Variants in LPP observed in about 807,000 individuals in gnomAD.
LPP encodes LIM domain containing preferred translocation partner in lipoma.
LPP carries 38 observed loss-of-function variants against 60.4 expected under a neutral mutation model. The observed-to-expected ratio is 0.63, with a 90% confidence interval of 0.49 to 0.83. The LOEUF (loss-of-function observed/expected upper bound fraction) is 0.83. Among genes scored for constraint, LPP ranks in the 40% least tolerant of loss-of-function variants. LPP has a pLI of 0.00. For missense variants in LPP, 902 were observed against 783.6 expected (o/e 1.15, Z -1.80); for synonymous variants, 328 against 290.8 (o/e 1.13, Z -1.30).
At chr3:188,539,140 G>C (rs1375750846) in intron 6 of LPP, among the ~76,000 whole-genome samples, 1 of 152,122 alleles carries the variant, frequency 6.6e-6, no homozygotes, top group African/African-American at 2.4e-5. Context: ...CATTTTTAAA[G>C]GGCATATTTT....
chr3:188,542,947 C>A (rs1825611284), intron 6 of LPP, among the ~76,000 whole-genome samples: 1 of 152,176 alleles, frequency 6.6e-6, no homozygotes. Flanking sequence ...ATGACCTTCA[C>A]CTTGATGAAG....
intron 3 of LPP, among the ~76,000 whole-genome samples, chr3:188,381,840 A>G (rs1776982685): frequency 6.6e-6 from 1 of 152,102 alleles, no homozygotes; most frequent in Admixed American, 6.6e-5. Flanking sequence ...AAATATATAT[A>G]TATGTATAGA....
intron 6 of LPP, among the ~76,000 whole-genome samples, chr3:188,535,029 C>T (rs1039217909): frequency 7.4e-5 from 11 of 148,934 alleles, no homozygotes; most frequent in African/African-American, 2.4e-4. Context: ...AATCTGTAAG[C>T]TGGAACTATT....
At chr3:188,409,581 G>C (rs1189811152) in intron 4 of LPP, among the ~76,000 whole-genome samples, 1 of 151,788 alleles carries the variant, frequency 6.6e-6, no homozygotes, top group Non-Finnish European at 1.5e-5. Context: ...TTTTCATTTA[G>C]AATGTTCTAT....
chr3:188,154,462 C>T (rs1163078184), intron 1 of LPP, among the ~76,000 whole-genome samples: 2 of 152,038 alleles, frequency 1.3e-5, no homozygotes, highest in African/African-American at 2.4e-5. Context: ...TTTCCAAAAG[C>T]GTCGACCCCA....
chr3:188,153,804 G>A (rs1325582433), upstream of LPP: 2 of 146,310 alleles, frequency 1.4e-5, no homozygotes, highest in Non-Finnish European at 3.0e-5. Flanking sequence ...AGGAATTCAG[G>A]CCCCTGACGT....
chr3:188,735,642 C>A (rs2150102539), intron 8 of LPP, among the ~76,000 whole-genome samples: 1 of 152,200 alleles, frequency 6.6e-6, no homozygotes, highest in African/African-American at 2.4e-5. Flanking sequence ...CCTCAGCCTC[C>A]CAAAGTGCTG....
chr3:188,809,411 G>T lies in LPP; in HGVS notation c.1410+49129G>T, dbSNP rs987122334. ...TGAGATGGCATCTCATTGTGATTTT[G>T]ATTTGCATTTATCTAATGATCAGTG... On this transcript the variant is annotated intron_variant, in intron 9 of 11. Transcript: ENST00000617246. Among the ~76,000 whole-genome samples, 4 of 152,184 alleles carry T rather than the reference G, an allele frequency of 2.6e-5. No homozygotes were observed. The East Asian group carries it at 7.7e-4, about 29-fold the overall frequency.
chr3:188,669,935 G>A (rs968526830), intron 7 of LPP, among the ~76,000 whole-genome samples: 9 of 152,198 alleles, frequency 5.9e-5, no homozygotes, highest in Non-Finnish European at 1.2e-4. Flanking sequence ...AAAAAAGGAT[G>A]AGTTCATGTC....
intron 1 of LPP, among the ~76,000 whole-genome samples, chr3:188,176,331 A>G (rs1011206782): frequency 4.6e-5 from 7 of 152,136 alleles, no homozygotes; most frequent in African/African-American, 1.7e-4. Flanking sequence ...ATAAATAAAT[A>G]AATTTAAAAA....
chr3:188,154,277 C>T (rs112461416), intron 1 of LPP, among the ~76,000 whole-genome samples, 25 bp downstream of exon 1: 58 of 152,172 alleles, frequency 3.8e-4, no homozygotes, highest in Non-Finnish European at 5.4e-4. Context: ...CCTTCCTTCC[C>T]CTCACCCTCC....
intron 8 of LPP, among the ~76,000 whole-genome samples, chr3:188,757,068 G>C (rs9883953): frequency 6.6e-6 from 1 of 152,022 alleles, no homozygotes; most frequent in African/African-American, 2.4e-5. Context: ...ATCCTTGAAG[G>C]TTCGGCTCAA....
intron 4 of LPP, among the ~76,000 whole-genome samples, chr3:188,440,949 A>ATGTG (rs10680234): frequency 0.55 from 80,167 of 146,764 alleles, 23,386 homozygotes; most frequent in Middle Eastern, 0.69. Context: ...CTCCCTTAAT[A>ATGTG]TGTGTGTGTG....
At chr3:188,737,213 A>G (rs1199599566) in intron 8 of LPP, among the ~76,000 whole-genome samples, 4 of 152,226 alleles carry the variant, frequency 2.6e-5, no homozygotes, top group African/African-American at 9.6e-5. Flanking sequence ...TAATTAGCCA[A>G]ATAGGAAAGT....
In LPP at chr3:188,297,504, T is replaced by TG. The variant is rs1364622053; in HGVS notation, c.-66-44158dup. On this transcript the variant is annotated intron_variant, in intron 2 of 11. Coordinates refer to ENST00000617246, the MANE Select transcript of LPP (RefSeq NM_001375462.1). Reference sequence around the variant, plus strand: ...CTTGGAAATCAGGAATTGAATAGATTGATGGTACAAATGAGAGACTATATG... The same window carrying TG: ...CTTGGAAATCAGGAATTGAATAGATTGGATGGTACAAATGAGAGACTATATG... Among the ~76,000 whole-genome samples the TG allele has an allele frequency of 5.9e-5, 9 of 152,326 alleles. No homozygotes were observed. In the East Asian group the frequency reaches 1.3e-3, roughly 23 times the overall value.
intron 6 of LPP, among the ~76,000 whole-genome samples, chr3:188,591,592 C>T (rs1029011455): frequency 1.2e-4 from 19 of 152,114 alleles, no homozygotes; most frequent in African/African-American, 3.6e-4. Context: ...TAGTTAGGGC[C>T]TCATCATTTC....
chr3:188,161,350 A>G (rs1457248907), intron 1 of LPP, among the ~76,000 whole-genome samples: 2 of 152,334 alleles, frequency 1.3e-5, no homozygotes, highest in East Asian at 3.9e-4. Context: ...TACGGAGGGA[A>G]AAATGGATTC....
intron 2 of LPP, among the ~76,000 whole-genome samples, chr3:188,322,824 A>G (rs1392083390): frequency 2.0e-5 from 3 of 152,218 alleles, no homozygotes; most frequent in Non-Finnish European, 4.4e-5. Flanking sequence ...TGTCTGCCTC[A>G]CAAAGTTGTG....
chr3:188,441,694 C>T (rs1793991530), intron 4 of LPP, among the ~76,000 whole-genome samples: 1 of 125,050 alleles, frequency 8.0e-6, no homozygotes, highest in African/African-American at 3.1e-5. Context: ...GATCTCGGCT[C>T]ACTGCAAGCT....
Sources: gnomAD v4.1 joint callset for allele counts (sites outside exome capture counted in the v4.1 genomes callset) on GRCh38, gnomAD v4.1.1 for gene constraint, MANE v1.5 for transcripts, NCBI Gene and HGNC (gene_info 2026-07-23, HGNC 2026-07-21) for gene names.